TSPEAR: variants seen among roughly 807,000 people sequenced by gnomAD.
TSPEAR encodes the protein thrombospondin-type laminin G domain and EAR repeat-containing protein.
Under a neutral mutation model 71.6 loss-of-function variants are expected in TSPEAR, and 69 were observed. The ratio of observed to expected loss-of-function variants is 0.96; its 90% CI spans 0.79 to 1.18. TSPEAR has a LOEUF of 1.18. TSPEAR is among the 50% of genes most tolerant of loss of function. The pLI is 0.00. For synonymous variants in TSPEAR, 402 were observed against 387.2 expected (o/e 1.04, Z -0.45); for missense variants, 971 against 894.9 (o/e 1.09, Z -1.09).
rs1289133173 is a variant in TSPEAR, at chr21:44,682,290, C to G, written c.82+29143G>C. On this transcript the variant is annotated intron_variant, in intron 1 of 11. Transcript: ENST00000323084. ...AGGCTGTTTCCTGGAACTCAGTTTTCTGTCGTAGATGATGTTTTTTATCTG... is the reference window on the plus strand; with the variant it reads ...AGGCTGTTTCCTGGAACTCAGTTTTGTGTCGTAGATGATGTTTTTTATCTG... The G allele has an allele frequency of 6.5e-6, 5 of 775,040 alleles. No homozygotes were observed. In the African/African-American group the frequency reaches 7.0e-5, roughly 11 times the overall value. The allele number at this position is 775,040 out of a possible 1,614,324, so 48.0% of individuals were successfully genotyped here.
rs375159207 is a variant in TSPEAR at position 44,539,653 on chromosome 21, C to A, written c.304-5730G>T. Reference sequence around the variant, plus strand: ...TGCAGCAAGCTGGATGGCAGCTAGACTGCTGGCAGCATGAAGAGGAATCCT... The same window carrying A: ...TGCAGCAAGCTGGATGGCAGCTAGAATGCTGGCAGCATGAAGAGGAATCCT... On this transcript the variant is annotated intron_variant, in intron 2 of 11. Transcript: ENST00000323084. The A allele has an allele frequency of 1.9e-5, 31 of 1,595,796 alleles. No individual in the cohort carries two copies. In the African/African-American group the frequency reaches 2.2e-4, roughly 11 times the overall value.
chr21:44,516,728 C>A (rs149028238), intron 9 of TSPEAR, among the ~76,000 whole-genome samples: 22 of 152,272 alleles, frequency 1.4e-4, no homozygotes, highest in Admixed American at 3.9e-4. Context: ...ATCCCTGGGG[C>A]AGTCCCCCAT....
chr21:44,521,155 G>A (rs1008129575), intron 9 of TSPEAR, among the ~76,000 whole-genome samples: 1 of 152,238 alleles, frequency 6.6e-6, no homozygotes, highest in Non-Finnish European at 1.5e-5. Context: ...AACAGTGGGA[G>A]TGCTGTCACC....
chr21:44,650,935 C>T (rs1162532977), intron 1 of TSPEAR, among the ~76,000 whole-genome samples: 1 of 152,228 alleles, frequency 6.6e-6, no homozygotes, highest in African/African-American at 2.4e-5. Context: ...CCGGAATCTG[C>T]AGATGCTCTG....
At chr21:44,548,957 C>T (rs587643358) in intron 2 of TSPEAR, among the ~76,000 whole-genome samples, 12 of 152,344 alleles carry the variant, frequency 7.9e-5, no homozygotes, top group African/African-American at 1.4e-4. Flanking sequence ...GGAAAACGAG[C>T]GCTTAGACAA....
At chr21:44,621,839 G>T (rs1982456933) in intron 1 of TSPEAR, among the ~76,000 whole-genome samples, 1 of 150,224 alleles carries the variant, frequency 6.7e-6, no homozygotes, top group Admixed American at 6.6e-5. Flanking sequence ...TGGATTCGGT[G>T]TCTTGACAAA....
intron 1 of TSPEAR, among the ~76,000 whole-genome samples, chr21:44,641,848 G>A (rs990574686): frequency 7.9e-5 from 12 of 152,152 alleles, no homozygotes; most frequent in Admixed American, 2.0e-4. Flanking sequence ...AGGCTTCAGC[G>A]GGAAGGCTGT....
At chr21:44,631,557 A>G (rs1411821730) in intron 1 of TSPEAR, among the ~76,000 whole-genome samples, 1 of 152,084 alleles carries the variant, frequency 6.6e-6, no homozygotes, top group Non-Finnish European at 1.5e-5. Flanking sequence ...GTCTCTACTA[A>G]AAATAAAATA....
intron 1 of TSPEAR, among the ~76,000 whole-genome samples, chr21:44,708,045 A>C (rs919985403): frequency 3.1e-4 from 37 of 121,262 alleles, no homozygotes; most frequent in Admixed American, 1.3e-3. Flanking sequence ...ACACACACAC[A>C]CCACACAGCA....
At chr21:44,550,319 C>T in intron 2 of TSPEAR, 1 of 326,246 alleles carries the variant, frequency 3.1e-6, no homozygotes, top group Non-Finnish European at 5.9e-6. Flanking sequence ...ACTCTGCCCC[C>T]TCCCGCCCTG....
chr21:44,623,667 A>T lies in TSPEAR; in HGVS notation c.83-55662T>A, dbSNP rs1463065411. Among the ~76,000 whole-genome samples the T allele has an allele frequency of 6.6e-6, 1 of 152,158 alleles. No individual in the cohort carries two copies. Among genetic ancestry groups the T allele is most frequent in the Non-Finnish European group, 1.5e-5 (1 of 68,026 alleles). ...CATCATTTTCCTGTCCTCATTTTTG[A>T]GGATCTTCTTCCCAGGTGTAGAATT... On this transcript the variant is annotated intron_variant, in intron 1 of 11. Coordinates refer to ENST00000323084, the MANE Select transcript of TSPEAR (RefSeq NM_144991.3). The surrounding 1 kb of genome is among the most constrained non-coding windows in gnomAD (Gnocchi z 4.5).
intron 1 of TSPEAR, among the ~76,000 whole-genome samples, chr21:44,705,278 G>A (rs751689457): frequency 8.5e-5 from 13 of 152,150 alleles, no homozygotes; most frequent in South Asian, 4.1e-4. Context: ...GTTGAGGAGG[G>A]TGTATATCAT....
At position 44,612,044 on chromosome 21, in the gene TSPEAR, G is replaced by T; in HGVS notation, c.83-44039C>A. Reference sequence around the variant, plus strand: ...AGGGTATAAAACCTCAGCAGCCAGGGCACACAAACCCACACACCTCACACC... The same window carrying T: ...AGGGTATAAAACCTCAGCAGCCAGGTCACACAAACCCACACACCTCACACC... On this transcript the variant is annotated intron_variant, in intron 1 of 11. Coordinates refer to ENST00000323084, the MANE Select transcript of TSPEAR (RefSeq NM_144991.3). This position sits in a 1 kb window ranked among gnomAD's most constrained non-coding sequence, Gnocchi z 4.1. The T allele has an allele frequency of 6.5e-7, 1 of 1,547,838 alleles. No homozygotes were observed. Among genetic ancestry groups the T allele is most frequent in the East Asian group, 2.3e-5 (1 of 44,200 alleles).
chr21:44,551,356 T>G, intron 2 of TSPEAR: 1 of 1,613,042 alleles, frequency 6.2e-7, no homozygotes, highest in African/African-American at 1.3e-5. Context: ...GCACAGCAGC[T>G]GGGGGTGCCG....
intron 2 of TSPEAR, among the ~76,000 whole-genome samples, chr21:44,563,565 A>C (rs71322576): frequency 7.6e-4 from 114 of 149,374 alleles, no homozygotes; most frequent in Non-Finnish European, 1.4e-3. Context: ...AGTAGTGAAG[A>C]AAGAATATAA....
At chr21:44,601,927 A>C in intron 1 of TSPEAR, 26 of 807,174 alleles carry the variant, frequency 3.2e-5, no homozygotes, top group Non-Finnish European at 4.3e-5. Context: ...CTTTCCCCCA[A>C]TTACCCAGCC....
At chr21:44,514,651 C>G (rs587737018) in intron 9 of TSPEAR, among the ~76,000 whole-genome samples, 1 of 152,202 alleles carries the variant, frequency 6.6e-6, no homozygotes, top group Non-Finnish European at 1.5e-5. Flanking sequence ...GCCTACTCCT[C>G]GTCAGCTCAG....
intron 1 of TSPEAR, among the ~76,000 whole-genome samples, chr21:44,584,421 T>C (rs118098343): frequency 0.032 from 4,817 of 152,332 alleles, 117 homozygotes; most frequent in Non-Finnish European, 0.047. Flanking sequence ...CTCTTTGAGA[T>C]CTGGCTTTAA....
rs587616091 is a variant in TSPEAR at position 44,524,320 on chromosome 21, T to C, written c.1336+1333A>G. On this transcript the variant is annotated intron_variant, in intron 8 of 11. Transcript: ENST00000323084. Reference sequence around the variant, plus strand: ...TCAGTCAGTCAGACAGTCAGGTAGTTAGTCAGTCAGATAGTAAGTCAGTTA... The same window carrying C: ...TCAGTCAGTCAGACAGTCAGGTAGTCAGTCAGTCAGATAGTAAGTCAGTTA... Among the ~76,000 whole-genome samples the C allele has an allele frequency of 5.9e-5, 9 of 151,932 alleles. No homozygotes were observed. In the East Asian group the frequency reaches 7.8e-4, roughly 13 times the overall value.
Sources: allele counts gnomAD v4.1 joint callset (sites outside exome capture counted in the v4.1 genomes callset), GRCh38; gene constraint gnomAD v4.1.1; non-coding constraint Gnocchi (gnomAD v3.1); transcripts MANE v1.5; gene names NCBI Gene and HGNC (gene_info 2026-07-23, HGNC 2026-07-21).